SPTLC3: variants seen among roughly 807,000 people sequenced by gnomAD.
The protein encoded by SPTLC3 is serine palmitoyltransferase 3.
SPTLC3 carries 36 observed loss-of-function variants against 59.3 expected under a neutral mutation model. The observed-to-expected ratio is 0.61, with a 90% CI of 0.47 to 0.80. The LOEUF (loss-of-function observed/expected upper bound fraction) is 0.80. Among genes scored for constraint, SPTLC3 ranks in the 30% least tolerant of loss-of-function variants. The pLI, the probability that SPTLC3 is intolerant of heterozygous loss-of-function variation, is 0.00. For synonymous variants in SPTLC3, 257 were observed against 240.8 expected, an observed-to-expected ratio of 1.07 and a Z score of -0.62; for missense variants, 625 against 685.1, an observed-to-expected ratio of 0.91 and a Z score of 0.98.
rs138697257 is a variant in SPTLC3 at position 13,082,302 on chromosome 20, G to A, written c.607+7805G>A. 1.0e-3 allele frequency among the ~76,000 whole-genome samples: 153 copies of A among 152,228 alleles called. 2 individuals are homozygous for A. The East Asian group carries it at 0.024, about 24-fold the overall frequency. ...TCAATGTTTCCACAGTCTGTAGGTCGAGAAGACTAGACATCAGTTCTCTTG... is the reference window on the plus strand; with the variant it reads ...TCAATGTTTCCACAGTCTGTAGGTCAAGAAGACTAGACATCAGTTCTCTTG... On this transcript the variant is annotated intron_variant, in intron 4 of 11. Transcript: ENST00000399002.
rs1038607984 is a variant in SPTLC3 at position 13,152,933 on chromosome 20, G to C, written c.1280-1070G>C. On this transcript the variant is annotated intron_variant, in intron 9 of 11. Coordinates refer to ENST00000399002, the MANE Select transcript of SPTLC3 (RefSeq NM_018327.4). ...TGAAGAGTTACAAACACCCATGAGT[G>C]ATGTTCAAAATATTGTATAACCTCT... is the stretch of plus-strand genomic sequence containing the variant. Among the ~76,000 whole-genome samples, 8 of 152,180 alleles carry C rather than the reference G, an allele frequency of 5.3e-5. No homozygotes were observed. The South Asian group carries it at 8.3e-4, about 16-fold the overall frequency.
At chr20:13,074,600 G>T in intron 4 of SPTLC3, 103 bp downstream of exon 4, 1 of 1,300,234 alleles carries the variant, frequency 7.7e-7, no homozygotes, top group South Asian at 1.9e-5. Context: ...CCTTAAAAAG[G>T]TGTTATAAAC....
At chr20:13,113,835 G>A (rs1291815722) in intron 7 of SPTLC3, among the ~76,000 whole-genome samples, 1 of 152,208 alleles carries the variant, frequency 6.6e-6, no homozygotes, top group Non-Finnish European at 1.5e-5. Flanking sequence ...TATGTTGCAA[G>A]GCTGTTTGCT....
At position 13,118,274 on chromosome 20, in the gene SPTLC3, G is replaced by A. The variant is rs148812198; in HGVS notation, c.1152+549G>A. ...AACGGTGGCAGGAATGTACTTTTAA[G>A]AAATATTCTCTGCAAAAAAAATTCT... On this transcript the variant is annotated intron_variant, in intron 8 of 11. Transcript: ENST00000399002. 3.9e-4 allele frequency among the ~76,000 whole-genome samples: 59 copies of A among 152,072 alleles called. 1 individual carries two copies. The East Asian group carries it at 9.9e-3, about 25-fold the overall frequency.
intron 8 of SPTLC3, among the ~76,000 whole-genome samples, 182 bp downstream of exon 8, chr20:13,117,907 G>A (rs569525298): frequency 6.4e-4 from 98 of 152,244 alleles, no homozygotes; most frequent in Non-Finnish European, 1.1e-3. Flanking sequence ...GCTCTCCCTC[G>A]AATAGTGAAG....
chr20:13,053,859 G>A (rs1008084213), intron 2 of SPTLC3, among the ~76,000 whole-genome samples: 5 of 152,008 alleles, frequency 3.3e-5, no homozygotes, highest in Admixed American at 6.6e-5. Flanking sequence ...AAAAAGGAAC[G>A]AACAAAGCCT....
chr20:13,044,782 A>T (rs1468528845), intron 1 of SPTLC3, among the ~76,000 whole-genome samples: 1 of 152,120 alleles, frequency 6.6e-6, no homozygotes, highest in Non-Finnish European at 1.5e-5. Context: ...TCGAAAAATT[A>T]AGTGACTTTC....
At chr20:13,078,583 C>G (rs1988730250) in intron 4 of SPTLC3, among the ~76,000 whole-genome samples, 1 of 152,014 alleles carries the variant, frequency 6.6e-6, no homozygotes, top group African/African-American at 2.4e-5. Context: ...TTTTAACAAG[C>G]TTTGCAAGTA....
intron 6 of SPTLC3, among the ~76,000 whole-genome samples, chr20:13,105,175 G>A (rs1249472512): frequency 6.6e-6 from 1 of 152,114 alleles, no homozygotes; most frequent in Non-Finnish European, 1.5e-5. Context: ...AGGGGCTAAG[G>A]TGGGGCCAGA....
intron 1 of SPTLC3, among the ~76,000 whole-genome samples, chr20:13,015,366 T>C (rs1027937712): frequency 6.6e-6 from 1 of 151,872 alleles, no homozygotes. Flanking sequence ...TAAAAAGCAA[T>C]TGGAAAGCAT....
intron 9 of SPTLC3, among the ~76,000 whole-genome samples, chr20:13,149,778 A>T (rs112524472): frequency 1.2e-4 from 19 of 152,352 alleles, no homozygotes; most frequent in African/African-American, 4.3e-4. Context: ...ACATTAGCTG[A>T]TGATCCAGTT....
At chr20:13,135,961 G>A (rs886905557) in intron 9 of SPTLC3, among the ~76,000 whole-genome samples, 28 of 152,190 alleles carry the variant, frequency 1.8e-4, no homozygotes, top group African/African-American at 6.3e-4. Flanking sequence ...GACCAGTAAT[G>A]TCGGAAAGGG....
At chr20:13,106,114 C>G (rs1989880831) in intron 6 of SPTLC3, among the ~76,000 whole-genome samples, 1 of 152,052 alleles carries the variant, frequency 6.6e-6, no homozygotes, top group Admixed American at 6.6e-5. Flanking sequence ...CGTTTTAAAA[C>G]AAAACAAAAG....
At chr20:13,035,613 T>C (rs1429121350) in intron 1 of SPTLC3, among the ~76,000 whole-genome samples, 1 of 152,214 alleles carries the variant, frequency 6.6e-6, no homozygotes, top group African/African-American at 2.4e-5. Flanking sequence ...CAATGATTAA[T>C]TGCACCTTGT....
Position 13,093,580 on chromosome 20 carries a change from G to T in SPTLC3, c.826+3G>T. ...CATAAGAATCTTCAAACACAACAGT[G>T]AGTATCAGTGTATTTTCTCAACATG... On this transcript the variant is annotated splice_donor_region_variant and intron_variant, in intron 6 of 11. Coordinates refer to ENST00000399002, the MANE Select transcript of SPTLC3 (RefSeq NM_018327.4). 1 of 1,612,654 alleles carries T rather than the reference G, an allele frequency of 6.2e-7. No individual in the cohort carries two copies. The highest frequency in any genetic ancestry group is 8.5e-7 in the Non-Finnish European group (1 of 1,178,914).
intron 6 of SPTLC3, among the ~76,000 whole-genome samples, chr20:13,101,751 G>A (rs1375558289): frequency 2.0e-5 from 3 of 152,124 alleles, no homozygotes; most frequent in Non-Finnish European, 1.5e-5. Context: ...GGGGGCTCTT[G>A]TTAAAATGCA....
chr20:13,072,568 G>A (rs1988484373), intron 3 of SPTLC3, among the ~76,000 whole-genome samples, 158 bp downstream of exon 3: 1 of 152,142 alleles, frequency 6.6e-6, no homozygotes, highest in Non-Finnish European at 1.5e-5. Flanking sequence ...AGGGGAGGAA[G>A]GCACAGTAAA....
At position 13,069,545 on chromosome 20, in the gene SPTLC3, A is replaced by G. The variant is rs1199378936; in HGVS notation, c.304-2711A>G. 2.6e-5 allele frequency among the ~76,000 whole-genome samples: 4 copies of G among 152,260 alleles called. No individual in the cohort carries two copies. The East Asian group carries it at 5.8e-4, about 22-fold the overall frequency. On this transcript the variant is annotated intron_variant, in intron 2 of 11. Transcript: ENST00000399002. ...AGTTCACAATAGGATTTGCACTCCT[A>G]TGAGAATCTCATGCCACTGCTGATC...
intron 6 of SPTLC3, among the ~76,000 whole-genome samples, chr20:13,097,080 T>C (rs1175147422): frequency 6.6e-6 from 1 of 152,156 alleles, no homozygotes; most frequent in Non-Finnish European, 1.5e-5. Context: ...TTACTATTAT[T>C]ACCCTCGTCA....
Sources: gnomAD v4.1 joint callset for allele counts (sites outside exome capture counted in the v4.1 genomes callset) on GRCh38, gnomAD v4.1.1 for gene constraint, MANE v1.5 for transcripts, NCBI Gene and HGNC (gene_info 2026-07-23, HGNC 2026-07-21) for gene names.